The following ARK2N variants were observed in gnomAD, a reference collection of about 807,000 sequenced individuals.
ARK2N encodes protein ARK2N.
the ARK2N span, among the ~76,000 whole-genome samples, chr18:46,247,735 T>G: frequency 6.6e-6 from 1 of 152,198 alleles, no homozygotes; most frequent in East Asian, 1.9e-4. Context: ...TGCAGTGGTA[T>G]AATTCACCTC....
the ARK2N span, among the ~76,000 whole-genome samples, chr18:46,194,875 C>G: frequency 1.3e-5 from 2 of 148,268 alleles, no homozygotes; most frequent in East Asian, 4.0e-4. Context: ...GTGATCTTGA[C>G]TCACTGCAAC....
the ARK2N span, among the ~76,000 whole-genome samples, chr18:46,212,312 C>T: frequency 1.3e-5 from 2 of 152,152 alleles, no homozygotes; most frequent in Admixed American, 6.5e-5. Flanking sequence ...AAACTGCATA[C>T]CACACTGTCT....
At chr18:46,259,835 C>A in the ARK2N span, among the ~76,000 whole-genome samples, 1 of 142,250 alleles carries the variant, frequency 7.0e-6, no homozygotes, top group African/African-American at 2.6e-5. Flanking sequence ...GGGGTTTCAC[C>A]ATGGTGCCCA....
the ARK2N span, chr18:46,264,580 A>G: frequency 2.0e-5 from 3 of 152,616 alleles, no homozygotes; most frequent in African/African-American, 7.2e-5. Context: ...TTCAGCAAAC[A>G]AATTTACCAA....
At chr18:46,261,425 T>C in the ARK2N span, among the ~76,000 whole-genome samples, 5 of 152,050 alleles carry the variant, frequency 3.3e-5, no homozygotes, top group African/African-American at 1.2e-4. Flanking sequence ...AATTGTCCAA[T>C]GAGATAATAT....
chr18:46,246,359 G>A, the ARK2N span, among the ~76,000 whole-genome samples: 3 of 152,172 alleles, frequency 2.0e-5, no homozygotes, highest in Non-Finnish European at 4.4e-5. Flanking sequence ...TGACAGAAAA[G>A]GACTAATGGT....
At chr18:46,229,670 G>A in the ARK2N span, among the ~76,000 whole-genome samples, 1 of 151,864 alleles carries the variant, frequency 6.6e-6, no homozygotes, top group African/African-American at 2.4e-5. Flanking sequence ...AGGCTGGAGT[G>A]CAGTGGCACG....
the ARK2N span, among the ~76,000 whole-genome samples, chr18:46,234,857 G>T: frequency 6.6e-6 from 1 of 152,152 alleles, no homozygotes; most frequent in Admixed American, 6.5e-5. Context: ...TCTTCTCTTA[G>T]TGAGGAGATT....
chr18:46,188,101 C>A, the ARK2N span, among the ~76,000 whole-genome samples: 3 of 152,120 alleles, frequency 2.0e-5, no homozygotes, highest in African/African-American at 7.2e-5. Flanking sequence ...ATTTGAAGGG[C>A]ACATACTGTT....
chr18:46,213,022 G>A, the ARK2N span, among the ~76,000 whole-genome samples: 18 of 96,672 alleles, frequency 1.9e-4, no homozygotes, highest in Non-Finnish European at 2.7e-4. Context: ...TTTTTTTGGA[G>A]ACTAAGTCTC....
the ARK2N span, among the ~76,000 whole-genome samples, chr18:46,228,222 C>T: frequency 6.6e-6 from 1 of 152,102 alleles, no homozygotes; most frequent in Non-Finnish European, 1.5e-5. Context: ...GTTCTGTCTT[C>T]ACCTTCTTCC....
chr18:46,178,464 C>T, the ARK2N span, among the ~76,000 whole-genome samples: 3 of 152,228 alleles, frequency 2.0e-5, no homozygotes, highest in East Asian at 3.9e-4. Flanking sequence ...AGGCATGTGC[C>T]GTCATGCCAG....
chr18:46,217,826 A>G, the ARK2N span: 1 of 152,152 alleles, frequency 6.6e-6, no homozygotes, highest in Non-Finnish European at 1.5e-5. Flanking sequence ...TTGTAATAAA[A>G]CTACCGGGAG....
At chr18:46,233,425 A>G in the ARK2N span, among the ~76,000 whole-genome samples, 1 of 152,174 alleles carries the variant, frequency 6.6e-6, no homozygotes, top group Non-Finnish European at 1.5e-5. Flanking sequence ...TGTCCCTGAA[A>G]TAGATAAATT....
At chr18:46,247,063 C>T in the ARK2N span, among the ~76,000 whole-genome samples, 3 of 151,796 alleles carry the variant, frequency 2.0e-5, no homozygotes, top group Non-Finnish European at 2.9e-5. Context: ...GCAAAAATTG[C>T]ACTACCAGAA....
the ARK2N span, among the ~76,000 whole-genome samples, chr18:46,177,431 C>CTTTT: frequency 7.8e-5 from 7 of 89,316 alleles, no homozygotes; most frequent in Admixed American, 1.3e-4. Context: ...TTTTTCTTTA[C>CTTTT]TTTTTTTTTT....
the ARK2N span, among the ~76,000 whole-genome samples, chr18:46,241,385 T>C: frequency 6.6e-6 from 1 of 152,192 alleles, no homozygotes; most frequent in Non-Finnish European, 1.5e-5. Context: ...CAAGTGTCTT[T>C]TAAGGATTTA....
the ARK2N span, among the ~76,000 whole-genome samples, chr18:46,220,165 G>A: frequency 2.6e-5 from 4 of 152,112 alleles, no homozygotes; most frequent in African/African-American, 9.7e-5. Flanking sequence ...AATACCCCTC[G>A]TGGCAGGTAA....
At chr18:46,193,582 C>A in the ARK2N span, among the ~76,000 whole-genome samples, 1 of 147,830 alleles carries the variant, frequency 6.8e-6, no homozygotes, top group Non-Finnish European at 1.5e-5. Context: ...AGCCACTGCG[C>A]CCAGCCGGGT....
Sources: gnomAD v4.1 joint callset for allele counts (sites outside exome capture counted in the v4.1 genomes callset) on GRCh38, gnomAD v4.1.1 for gene constraint, MANE v1.5 for transcripts, NCBI Gene and HGNC (gene_info 2026-07-23, HGNC 2026-07-21) for gene names.